NFIB: variants seen among roughly 807,000 people sequenced by gnomAD.
NFIB encodes nuclear factor 1 B-type.
Under a neutral mutation model 61.5 loss-of-function variants are expected in NFIB, and 11 were observed. The observed-to-expected ratio is 0.18, with a 90% CI of 0.11 to 0.30. The LOEUF is 0.30. NFIB is among the 10% of genes least tolerant of loss of function. The pLI, the probability that NFIB is intolerant of heterozygous loss-of-function variation, is 1.00. For missense variants in NFIB, 471 were observed against 608.9 expected (o/e 0.77, Z 2.38); for synonymous variants, 260 against 216.5 (o/e 1.20, Z -1.76).
At position 14,125,666 on chromosome 9, in the gene NFIB, G is replaced by A; in HGVS notation, c.1026C>T (p.His342=). 2.5e-6 allele frequency: 4 copies of A among 1,614,142 alleles called. No individual in the cohort carries two copies. The highest frequency in any genetic ancestry group is 1.1e-5 in the South Asian group (1 of 91,088). The change falls in exon 7 of 11, where the codon CAC becomes CAT. Residue 342 remains histidine, a synonymous_variant. Transcript: ENST00000380953. The part of the protein sequence containing the change: ...SSPRLSTFPQ[H]HHPGIPGVAH... The stretch of plus-strand genomic sequence containing the variant: ...CAACTCCAGGTATTCCGGGATGGTG[G>A]TGCTGGGGGAAAGTGCTCAGTCTTG...
the NFIB span, among the ~76,000 whole-genome samples, chr9:14,459,961 G>A: frequency 3.6e-4 from 55 of 152,090 alleles, no homozygotes; most frequent in Admixed American, 2.3e-3. Context: ...TCAGTGTGGC[G>A]ATTCCTCAGG....
At chr9:14,149,239 A>C (rs958628796) in intron 5 of NFIB, among the ~76,000 whole-genome samples, 1 of 152,202 alleles carries the variant, frequency 6.6e-6, no homozygotes, top group African/African-American at 2.4e-5. Context: ...GTTTATAAAC[A>C]TACACATGCC....
chr9:14,491,674 T>C, the NFIB span, among the ~76,000 whole-genome samples: 2 of 152,212 alleles, frequency 1.3e-5, no homozygotes, highest in Non-Finnish European at 2.9e-5. Flanking sequence ...CTTGTGGAAA[T>C]TACTTCTTAT....
At chr9:14,089,670 T>C (rs2033544597) in intron 10 of NFIB, among the ~76,000 whole-genome samples, 1 of 151,958 alleles carries the variant, frequency 6.6e-6, no homozygotes, top group African/African-American at 2.4e-5. Context: ...TAAATTTCAC[T>C]GAACATCCTT....
At chr9:14,347,609 G>C (rs2061044571) in intron 1 of NFIB, among the ~76,000 whole-genome samples, 1 of 97,190 alleles carries the variant, frequency 1.0e-5, no homozygotes, top group African/African-American at 3.9e-5. Context: ...AGAAGGGAAG[G>C]AGTGGCCAGC....
chr9:14,208,257 G>C (rs1226361791), intron 2 of NFIB, among the ~76,000 whole-genome samples: 3 of 152,056 alleles, frequency 2.0e-5, no homozygotes, highest in African/African-American at 7.2e-5. Flanking sequence ...GACTAAGAGA[G>C]TAAATCGATA....
At position 14,179,767 on chromosome 9, in the gene NFIB, T is replaced by A; in HGVS notation, c.576A>T (p.Ser192=). The A allele has an allele frequency of 6.2e-7, 1 of 1,613,412 alleles. No homozygotes were observed. The highest frequency in any genetic ancestry group is 1.1e-5 in the South Asian group (1 of 91,012). Residue 192 remains serine, a synonymous_variant, in exon 3 of 11, where the codon TCA becomes TCT. Coordinates refer to ENST00000380953, the MANE Select transcript of NFIB (RefSeq NM_001190737.2). ...CAGGATCATTGTGGCTTGGACTTCCTGATTGTCCAGAATCTGTAAAGAAAT... is the reference window on the plus strand; with the variant it reads ...CAGGATCATTGTGGCTTGGACTTCCAGATTGTCCAGAATCTGTAAAGAAAT... ...YYVQEQDSGQ[S]GSPSHNDPAK...
chr9:14,502,092 C>G, the NFIB span, among the ~76,000 whole-genome samples: 5 of 152,214 alleles, frequency 3.3e-5, no homozygotes, highest in African/African-American at 4.8e-5. Flanking sequence ...GCCACATAGA[C>G]TTCAGAATCC....
At chr9:14,218,125 G>A (rs971662728) in intron 2 of NFIB, among the ~76,000 whole-genome samples, 1 of 152,124 alleles carries the variant, frequency 6.6e-6, no homozygotes, top group Non-Finnish European at 1.5e-5. Flanking sequence ...TAAGAATAAT[G>A]AGCTGAGAGC....
intron 1 of NFIB, among the ~76,000 whole-genome samples, chr9:14,360,389 T>C (rs1002183738): frequency 6.6e-6 from 1 of 152,236 alleles, no homozygotes; most frequent in African/African-American, 2.4e-5. Flanking sequence ...GTAATTTTAT[T>C]ATTTTTCCTA....
chr9:14,401,995 T>C (rs923242678), upstream of NFIB, among the ~76,000 whole-genome samples: 1 of 152,172 alleles, frequency 6.6e-6, no homozygotes, highest in South Asian at 2.1e-4. Flanking sequence ...AGTGTACGTG[T>C]GCATGTACCC....
intron 10 of NFIB, among the ~76,000 whole-genome samples, chr9:14,091,477 C>T (rs2033899275): frequency 6.6e-6 from 1 of 151,946 alleles, no homozygotes; most frequent in Non-Finnish European, 1.5e-5. Context: ...AAATTAGTTA[C>T]ATGTAAAATG....
chr9:14,303,148 G>A (rs2059839678), intron 2 of NFIB, among the ~76,000 whole-genome samples: 1 of 152,172 alleles, frequency 6.6e-6, no homozygotes, highest in Non-Finnish European at 1.5e-5. Flanking sequence ...GAGGAAAACT[G>A]AAGTCCTCTC....
the NFIB span, among the ~76,000 whole-genome samples, chr9:14,421,559 TAAG>T: frequency 6.6e-6 from 1 of 152,238 alleles, no homozygotes; most frequent in Non-Finnish European, 1.5e-5. Flanking sequence ...TTGAGAAAGA[TAAG>T]AAGATGGGTT....
intron 2 of NFIB, among the ~76,000 whole-genome samples, chr9:14,239,523 A>C (rs970155929): frequency 6.6e-6 from 1 of 152,212 alleles, no homozygotes; most frequent in Admixed American, 6.5e-5. Context: ...ACTACAAGTC[A>C]CTTATTATCT....
At chr9:14,457,267 C>T in the NFIB span, among the ~76,000 whole-genome samples, 75 of 152,276 alleles carry the variant, frequency 4.9e-4, 1 homozygote, top group Admixed American at 1.6e-3. Flanking sequence ...ATAGCCTTCG[C>T]ACATTTTGAA....
At chr9:14,117,555 A>C (rs934046167) in intron 8 of NFIB, among the ~76,000 whole-genome samples, 1 of 152,160 alleles carries the variant, frequency 6.6e-6, no homozygotes, top group African/African-American at 2.4e-5. Flanking sequence ...GTAGACATTT[A>C]TTTAGAGAAA....
rs1336158588 is a variant in NFIB at position 14,179,762 on chromosome 9, C to A, written c.581G>T (p.Ser194Ile). 6.2e-7 allele frequency: 1 copy of A among 1,613,140 alleles called. No homozygotes were observed. Among genetic ancestry groups the A allele is most frequent in the Non-Finnish European group, 8.5e-7 (1 of 1,179,562 alleles). Residue 194 changes from serine (S) to isoleucine (I), a missense_variant, in exon 3 of 11, where the codon AGT becomes ATT. By Grantham distance (142) the Ser-to-Ile change is moderately radical (BLOSUM62 -2). Coordinates refer to ENST00000380953, the MANE Select transcript of NFIB (RefSeq NM_001190737.2). ...VQEQDSGQSG[S>I]PSHNDPAKNP... The stretch of plus-strand genomic sequence containing the variant: ...CTTGGCAGGATCATTGTGGCTTGGA[C>A]TTCCTGATTGTCCAGAATCTGTAAA...
chr9:14,220,126 C>G (rs1241454798), intron 2 of NFIB, among the ~76,000 whole-genome samples: 1 of 152,226 alleles, frequency 6.6e-6, no homozygotes, highest in Admixed American at 6.5e-5. Context: ...GCTCGTCCAC[C>G]TCCTTTCCAA....
Sources: allele counts gnomAD v4.1 joint callset (sites outside exome capture counted in the v4.1 genomes callset), GRCh38; gene constraint gnomAD v4.1.1; transcripts MANE v1.5; gene names NCBI Gene and HGNC (gene_info 2026-07-23, HGNC 2026-07-21).